Variants in PHYH observed in about 807,000 individuals in gnomAD.
PHYH encodes the protein phytanoyl-CoA 2-hydroxylase.
A neutral mutation model predicts 38.5 loss-of-function variants in PHYH; 32 were observed. The observed-to-expected ratio is 0.83, with a 90% CI of 0.63 to 1.12. The LOEUF is 1.12. Among genes scored for constraint, PHYH ranks in the 50% most tolerant of loss-of-function variants. The pLI is 0.00. For synonymous variants in PHYH, 166 were observed against 157.9 expected (o/e 1.05, Z -0.38); for missense variants, 426 against 434.8 (o/e 0.98, Z 0.18).
intron 4 of PHYH, among the ~76,000 whole-genome samples, chr10:13,294,066 G>A (rs1835777931): frequency 6.6e-6 from 1 of 152,092 alleles, no homozygotes. Flanking sequence ...GCCAGGTGTG[G>A]TGGCAGGCAC....
chr10:13,288,137 C>A (rs1433086564), intron 6 of PHYH, among the ~76,000 whole-genome samples: 1 of 152,046 alleles, frequency 6.6e-6, no homozygotes, highest in South Asian at 2.1e-4. Context: ...TTGAGCAAGA[C>A]CCTGTCTCAA....
intron 1 of PHYH, among the ~76,000 whole-genome samples, chr10:13,298,571 T>C (rs1450440452): frequency 6.6e-6 from 1 of 151,764 alleles, no homozygotes; most frequent in African/African-American, 2.4e-5. Flanking sequence ...CGTGGTGGCG[T>C]TCATTTGTAA....
rs529681946 is a variant in PHYH, at chr10:13,286,845, T to C, written c.678+1515A>G. Among the ~76,000 whole-genome samples, 19 of 152,098 alleles carry C rather than the reference T, an allele frequency of 1.2e-4. No individual in the cohort carries two copies. In the East Asian group the frequency reaches 2.5e-3, roughly 20 times the overall value. On this transcript the variant is annotated intron_variant, in intron 6 of 8. Coordinates refer to ENST00000263038, the MANE Select transcript of PHYH (RefSeq NM_006214.4). ...TACATGTCTATGACATTTTAGAAAATGCAAACTAACCTGCAGTAACAGAAA... is the reference window on the plus strand; with the variant it reads ...TACATGTCTATGACATTTTAGAAAACGCAAACTAACCTGCAGTAACAGAAA...
chr10:13,295,636 T>A, intron 2 of PHYH, 30 bp from the exon 3 acceptor site: 1 of 937,528 alleles, frequency 1.1e-6, no homozygotes, highest in Non-Finnish European at 1.8e-6. Context: ...CCAAAATAAG[T>A]TACATTTTTA....
In PHYH at chr10:13,278,311, G is replaced by A. The variant is rs1424234188; in HGVS notation, c.1007C>T (p.Thr336Ile). The A allele has an allele frequency of 1.9e-6, 3 of 1,610,524 alleles. No individual in the cohort carries two copies. The highest frequency in any genetic ancestry group is 2.7e-5 in the African/African-American group (2 of 74,840). The part of the protein sequence containing the change: ...FRARLVKGER[T>I]NL ...TAGCAGATGGCTATTTCAAAGATTGGTTCTTTCTCCTTTCACAAGTCGAGC... is the reference window on the plus strand; with the variant it reads ...TAGCAGATGGCTATTTCAAAGATTGATTCTTTCTCCTTTCACAAGTCGAGC... The change falls in exon 9 of 9, where the codon ACC (threonine) becomes ATC (isoleucine). Residue 336 changes from threonine to isoleucine, a missense_variant. Thr to Ile is a moderately conservative substitution (Grantham distance 89). Coordinates refer to ENST00000263038, the MANE Select transcript of PHYH (RefSeq NM_006214.4).
intron 6 of PHYH, among the ~76,000 whole-genome samples, chr10:13,287,245 A>G (rs1835575359): frequency 6.6e-6 from 1 of 152,144 alleles, no homozygotes; most frequent in Admixed American, 6.6e-5. Context: ...AGTCTGAGGC[A>G]GGAGAATCAC....
At chr10:13,284,102 T>C (rs1006558691) in intron 6 of PHYH, among the ~76,000 whole-genome samples, 6 of 152,102 alleles carry the variant, frequency 3.9e-5, no homozygotes. Flanking sequence ...TTGGGAGAAT[T>C]GCTTATGCTC....
chr10:13,299,688 A>G lies in PHYH; in HGVS notation c.75+280T>C, dbSNP rs566435496. ...GCCGCCGGTGAAACGACGTCTCCAC[A>G]AAGAGAGGAGCAGAGGCCCCCAGGG... On this transcript the variant is annotated intron_variant, in intron 1 of 8. Transcript: ENST00000263038. 8.8e-6 allele frequency: 11 copies of G among 1,251,610 alleles called. No individual in the cohort carries two copies. In the South Asian group the frequency reaches 2.7e-4, roughly 31 times the overall value. The allele number at this position is 1,251,610 out of a possible 1,614,324, so 77.5% of individuals were successfully genotyped here. A position where few individuals can be genotyped will look rare whatever the true frequency, so the allele number is the denominator to read the frequency against.
At chr10:13,285,128 C>G (rs1482251954) in intron 6 of PHYH, among the ~76,000 whole-genome samples, 1 of 152,170 alleles carries the variant, frequency 6.6e-6, no homozygotes, top group Non-Finnish European at 1.5e-5. Context: ...CAGACACTCA[C>G]ATATTTTCAT....
intron 8 of PHYH, 116 bp downstream of exon 8, chr10:13,280,860 A>C: frequency 9.9e-7 from 1 of 1,015,184 alleles, no homozygotes; most frequent in South Asian, 1.3e-5. Context: ...ATGTCCCTAA[A>C]ATGAATCTAA....
intron 8 of PHYH, among the ~76,000 whole-genome samples, chr10:13,279,021 G>T (rs796929049): frequency 6.6e-6 from 1 of 150,502 alleles, no homozygotes; most frequent in African/African-American, 2.4e-5. Flanking sequence ...TTTTTGAGAC[G>T]GAATTTTGCT....
intron 7 of PHYH, among the ~76,000 whole-genome samples, chr10:13,283,409 A>G (rs985334221): frequency 2.6e-4 from 39 of 152,142 alleles, no homozygotes; most frequent in Middle Eastern, 6.8e-3. Flanking sequence ...GATTATAGGC[A>G]TGAGCCACCG....
chr10:13,293,896 C>T (rs1481290712), intron 4 of PHYH, among the ~76,000 whole-genome samples: 2 of 152,036 alleles, frequency 1.3e-5, no homozygotes, highest in African/African-American at 4.8e-5. Context: ...AGATACTGGT[C>T]CCATTCTTCA....
intron 6 of PHYH, 98 bp downstream of exon 6, chr10:13,288,262 G>C (rs1184885530): frequency 9.3e-7 from 1 of 1,071,508 alleles, no homozygotes; most frequent in Non-Finnish European, 1.4e-6. Flanking sequence ...GCTCAGAAAG[G>C]AAATGCCATC....
At chr10:13,281,138 G>A (rs761549826) in intron 7 of PHYH, 28 bp from the exon 8 acceptor site, 4 of 1,613,238 alleles carry the variant, frequency 2.5e-6, no homozygotes, top group South Asian at 2.2e-5. Context: ...ATTGATATTG[G>A]AGAAAAACAT....
At chr10:13,278,624 G>A (rs1002516731) in intron 8 of PHYH, among the ~76,000 whole-genome samples, 7 of 151,882 alleles carry the variant, frequency 4.6e-5, no homozygotes, top group African/African-American at 1.2e-4. Flanking sequence ...TGCCTCCCGG[G>A]TTCAAGCGAC....
chr10:13,278,701 T>G (rs1160217712), intron 8 of PHYH, among the ~76,000 whole-genome samples: 1 of 151,962 alleles, frequency 6.6e-6, no homozygotes, highest in Non-Finnish European at 1.5e-5. Flanking sequence ...GCTAACTTTT[T>G]GTATTTTCAG....
intron 1 of PHYH, 171 bp downstream of exon 1, chr10:13,299,797 C>T (rs1832699177): frequency 7.6e-7 from 1 of 1,312,612 alleles, no homozygotes. Flanking sequence ...CTCTTCCCCG[C>T]TCCCCGGCTC....
chr10:13,293,179 G>A (rs1310012028), intron 4 of PHYH, among the ~76,000 whole-genome samples: 1 of 152,106 alleles, frequency 6.6e-6, no homozygotes, highest in Non-Finnish European at 1.5e-5. Context: ...ATTCATCTAG[G>A]CTGGGATTTT....
Sources: allele counts gnomAD v4.1 joint callset (sites outside exome capture counted in the v4.1 genomes callset), GRCh38; gene constraint gnomAD v4.1.1; transcripts MANE v1.5; gene names NCBI Gene and HGNC (gene_info 2026-07-23, HGNC 2026-07-21).